CSGALNACT1: variants seen among roughly 807,000 people sequenced by gnomAD.
The protein encoded by CSGALNACT1 is chondroitin sulfate N-acetylgalactosaminyltransferase 1.
CSGALNACT1 carries 52 observed loss-of-function variants against 51.0 expected under a neutral mutation model. That is an observed-to-expected ratio of 1.02 (90% CI 0.82 to 1.29). The LOEUF is 1.29. Ranked by LOEUF, CSGALNACT1 falls within the 50% of genes most tolerant of loss-of-function variation. The pLI is 0.00. For missense variants in CSGALNACT1, 935 were observed against 679.2 expected (o/e 1.38, Z -4.19); for synonymous variants, 341 against 254.4 (o/e 1.34, Z -3.24).
chr8:19,641,769 G>C (rs560233345), intron 1 of CSGALNACT1: 1 of 152,298 alleles, frequency 6.6e-6, no homozygotes, highest in South Asian at 2.1e-4. Context: ...TGAAAGCAAA[G>C]TGATGGCTCA....
upstream of CSGALNACT1, among the ~76,000 whole-genome samples, chr8:19,687,073 T>C (rs2061018384): frequency 6.6e-6 from 1 of 152,150 alleles, no homozygotes; most frequent in Non-Finnish European, 1.5e-5. Flanking sequence ...GATTGCGGTT[T>C]GGATCTATTC....
chr8:19,452,451 A>G (rs2063347782), intron 5 of CSGALNACT1, among the ~76,000 whole-genome samples: 1 of 150,414 alleles, frequency 6.6e-6, no homozygotes, highest in Admixed American at 6.6e-5. Context: ...GGGAGATTTG[A>G]CATAAGCAAA....
upstream of CSGALNACT1, among the ~76,000 whole-genome samples, chr8:19,604,398 C>G (rs1390906398): frequency 6.6e-6 from 1 of 152,194 alleles, no homozygotes. Flanking sequence ...CCAACCACAA[C>G]AATGCTATGG....
chr8:19,496,781 C>G lies in CSGALNACT1; in HGVS notation c.634+8420G>C, dbSNP rs28491635. ...AAAGAAATCAACGACCTAAGCAAGG[C>G]TCAGTGCAGATGAGTAGGGCAGTGA... On this transcript the variant is annotated intron_variant, in intron 4 of 9. Coordinates refer to ENST00000454498, the Ensembl canonical transcript of CSGALNACT1. Among the ~76,000 whole-genome samples the G allele has an allele frequency of 7.0e-3, 1,065 of 152,254 alleles. 12 individuals carry two copies. Among genetic ancestry groups the G allele is most frequent in the African/African-American group, 0.024 (1,007 of 41,546 alleles).
At chr8:19,493,049 CTTTT>C (rs1563713533) in intron 4 of CSGALNACT1, among the ~76,000 whole-genome samples, 1 of 82,064 alleles carries the variant, frequency 1.2e-5, no homozygotes, top group Non-Finnish European at 2.6e-5. Flanking sequence ...GCCTAAAATT[CTTTT>C]TTTGAAAAAA....
chr8:19,702,039 G>A (rs1051848579), intron 1 of CSGALNACT1, among the ~76,000 whole-genome samples: 2 of 152,126 alleles, frequency 1.3e-5, no homozygotes, highest in Admixed American at 1.3e-4. Context: ...GCAAACATTT[G>A]ATTGGCTTCA....
At chr8:19,476,169 A>C (rs2069567867) in intron 4 of CSGALNACT1, among the ~76,000 whole-genome samples, 1 of 152,194 alleles carries the variant, frequency 6.6e-6, no homozygotes, top group Admixed American at 6.5e-5. Context: ...TAGTTTAAGA[A>C]ATTTTTTAAA....
At chr8:19,542,362 G>C (rs2085410972) in intron 3 of CSGALNACT1, among the ~76,000 whole-genome samples, 1 of 152,146 alleles carries the variant, frequency 6.6e-6, no homozygotes, top group African/African-American at 2.4e-5. Flanking sequence ...AGGGAAGAAT[G>C]TTTATTTCAC....
chr8:19,482,426 C>G (rs1315069009), intron 4 of CSGALNACT1, among the ~76,000 whole-genome samples: 1 of 152,194 alleles, frequency 6.6e-6, no homozygotes, highest in Non-Finnish European at 1.5e-5. Flanking sequence ...GCCCCTACCA[C>G]TCCACTGATG....
chr8:19,651,381 G>A lies in CSGALNACT1; in HGVS notation c.-544+31092C>T, dbSNP rs377655150. On this transcript the variant is annotated intron_variant, in intron 1 of 9. Coordinates refer to the CSGALNACT1 transcript ENST00000332246. ...TTTCGTCACCAAGGTAACAAGGCTC[G>A]CACCCAATAGTTTTTTTATCTTCAT... is the stretch of plus-strand genomic sequence containing the variant. Among the ~76,000 whole-genome samples the A allele has an allele frequency of 2.8e-3, 423 of 152,124 alleles. 6 individuals carry two copies. In the South Asian group the frequency reaches 0.05, roughly 18 times the overall value.
chr8:19,468,515 G>C (rs1250194818), intron 4 of CSGALNACT1, among the ~76,000 whole-genome samples: 6 of 152,154 alleles, frequency 3.9e-5, no homozygotes, highest in Non-Finnish European at 8.8e-5. Context: ...ATTCACCTTA[G>C]AGCAGTGTGG....
intron 1 of CSGALNACT1, among the ~76,000 whole-genome samples, chr8:19,640,943 A>C (rs187779066): frequency 1.3e-4 from 20 of 151,900 alleles, no homozygotes; most frequent in African/African-American, 4.3e-4. Context: ...ATCATTTTCT[A>C]AGACAGAGGA....
intron 3 of CSGALNACT1, among the ~76,000 whole-genome samples, chr8:19,533,777 G>T (rs1267600528): frequency 6.6e-6 from 1 of 152,040 alleles, no homozygotes; most frequent in African/African-American, 2.4e-5. Context: ...CATTGCTGTA[G>T]GCATATAGAA....
At chr8:19,536,048 G>T (rs2083661764) in intron 3 of CSGALNACT1, among the ~76,000 whole-genome samples, 2 of 152,088 alleles carry the variant, frequency 1.3e-5, no homozygotes, top group African/African-American at 4.8e-5. Flanking sequence ...TTTTGCAGAA[G>T]ACATGATCTA....
chr8:19,485,555 GCT>G (rs2072669921), intron 4 of CSGALNACT1, among the ~76,000 whole-genome samples: 1 of 151,964 alleles, frequency 6.6e-6, no homozygotes, highest in East Asian at 1.9e-4. Context: ...TTCCCTAAGG[GCT>G]AAACAGCAGC....
intron 1 of CSGALNACT1, chr8:19,678,914 G>C (rs963571551): frequency 6.6e-6 from 1 of 152,170 alleles, no homozygotes; most frequent in Non-Finnish European, 1.5e-5. Context: ...GCAATTAGTG[G>C]TTACTCACTA....
At chr8:19,614,220 G>A (rs978675757) in intron 1 of CSGALNACT1, among the ~76,000 whole-genome samples, 3 of 152,124 alleles carry the variant, frequency 2.0e-5, no homozygotes, top group Admixed American at 2.0e-4. Context: ...CTGACTGCCT[G>A]ATAAAGTCAT....
intron 4 of CSGALNACT1, among the ~76,000 whole-genome samples, chr8:19,467,600 G>A (rs977295151): frequency 6.6e-6 from 1 of 152,148 alleles, no homozygotes; most frequent in African/African-American, 2.4e-5. Context: ...CAGCCTCGCG[G>A]AGTTCAAATG....
intron 1 of CSGALNACT1, among the ~76,000 whole-genome samples, chr8:19,663,426 A>T (rs1322896594): frequency 6.6e-6 from 1 of 152,236 alleles, no homozygotes; most frequent in Non-Finnish European, 1.5e-5. Context: ...AAATATATTC[A>T]GAGCAAATTT....
Sources: allele counts gnomAD v4.1 joint callset (sites outside exome capture counted in the v4.1 genomes callset), GRCh38; gene constraint gnomAD v4.1.1; transcripts MANE v1.5; gene names NCBI Gene and HGNC (gene_info 2026-07-23, HGNC 2026-07-21).